Variants in ARLN observed in about 807,000 individuals in gnomAD.
The protein encoded by ARLN is allregulin, also known as sarcoplasmic/endoplasmic reticulum calcium ATPase regulator ARLN.
At chr4:119,302,553 T>C in the ARLN span, among the ~76,000 whole-genome samples, 1 of 152,262 alleles carries the variant, frequency 6.6e-6, no homozygotes, top group East Asian at 1.9e-4. Context: ...CATTTGCCAT[T>C]ATCAAAGCAA....
the ARLN span, among the ~76,000 whole-genome samples, chr4:119,299,729 A>G: frequency 6.6e-6 from 1 of 152,176 alleles, no homozygotes; most frequent in African/African-American, 2.4e-5. Flanking sequence ...GAAAAGGGCA[A>G]AGTGTCTCAG....
At chr4:119,301,005 C>T in the ARLN span, 2 of 478,954 alleles carry the variant, frequency 4.2e-6, no homozygotes, top group Non-Finnish European at 7.3e-6. Context: ...TAGCATTTGA[C>T]ACTTAATATT....
At chr4:119,303,198 T>G in the ARLN span, among the ~76,000 whole-genome samples, 1 of 152,052 alleles carries the variant, frequency 6.6e-6, no homozygotes, top group Non-Finnish European at 1.5e-5. Context: ...GTCATTTTAT[T>G]TATTCATTTT....
chr4:119,296,588 A>G, the ARLN span: 2 of 152,234 alleles, frequency 1.3e-5, no homozygotes, highest in African/African-American at 4.8e-5. Context: ...TGAAAGCCAG[A>G]GAATCAGGAG....
chr4:119,299,655 G>A, the ARLN span, among the ~76,000 whole-genome samples: 1 of 152,160 alleles, frequency 6.6e-6, no homozygotes, highest in Non-Finnish European at 1.5e-5. Context: ...GAGAGCATGG[G>A]TTTTACAAGT....
chr4:119,298,644 AAAATG>A, the ARLN span: 1 of 565,086 alleles, frequency 1.8e-6, no homozygotes, highest in Admixed American at 3.0e-5. Flanking sequence ...AACAAAGTGT[AAAATG>A]AAAGGAAGGG....
At chr4:119,298,611 TTAATA>T in the ARLN span, 1 of 511,684 alleles carries the variant, frequency 2.0e-6, no homozygotes, top group East Asian at 3.1e-5. Context: ...TCCTACCCAA[TTAATA>T]GAGTTCTGCA....
At chr4:119,300,684 C>G in the ARLN span, 5 of 1,535,942 alleles carry the variant, frequency 3.3e-6, no homozygotes, top group Non-Finnish European at 4.4e-6. Context: ...TGAACCTACT[C>G]TTCCCAGCGC....
chr4:119,299,193 C>T, the ARLN span, among the ~76,000 whole-genome samples: 2 of 152,264 alleles, frequency 1.3e-5, no homozygotes, highest in South Asian at 4.1e-4. Flanking sequence ...CTCAAGCAAT[C>T]CTCCTATTTC....
the ARLN span, chr4:119,298,746 A>C: frequency 5.2e-6 from 4 of 773,450 alleles, no homozygotes; most frequent in Non-Finnish European, 9.6e-6. Flanking sequence ...TCACTCAAGA[A>C]CCAACTTCTT....
chr4:119,300,524 G>A, the ARLN span: 2 of 1,614,044 alleles, frequency 1.2e-6, no homozygotes, highest in Non-Finnish European at 1.7e-6. Context: ...CACCCGGTGC[G>A]TCCACCTCCA....
At chr4:119,298,615 T>A in the ARLN span, 1 of 517,948 alleles carries the variant, frequency 1.9e-6, no homozygotes, top group Non-Finnish European at 3.5e-6. Context: ...ACCCAATTAA[T>A]AGAGTTCTGC....
At chr4:119,300,870 G>T in the ARLN span, 1 of 1,368,642 alleles carries the variant, frequency 7.3e-7, no homozygotes, top group Non-Finnish European at 9.6e-7. Context: ...GAAAGGCCCA[G>T]TCCAGTCAGG....
chr4:119,303,994 A>G, the ARLN span, among the ~76,000 whole-genome samples: 1 of 151,966 alleles, frequency 6.6e-6, no homozygotes, highest in African/African-American at 2.4e-5. Context: ...ATCTGGCTCT[A>G]CTCTACTCAG....
the ARLN span, among the ~76,000 whole-genome samples, chr4:119,302,193 T>C: frequency 6.6e-6 from 1 of 152,186 alleles, no homozygotes; most frequent in South Asian, 2.1e-4. Context: ...AAGCATGACA[T>C]AAACTGAACA....
the ARLN span, among the ~76,000 whole-genome samples, chr4:119,299,691 G>A: frequency 2.0e-5 from 3 of 152,174 alleles, no homozygotes; most frequent in African/African-American, 7.2e-5. Context: ...TTGTAACTTG[G>A]TGTTTTAGGA....
chr4:119,304,167 C>T, the ARLN span: 2 of 1,022,628 alleles, frequency 2.0e-6, no homozygotes, highest in South Asian at 3.2e-5. Flanking sequence ...TTCAGGGCCC[C>T]ACTTAAGTGC....
At chr4:119,300,869 A>G in the ARLN span, 1 of 1,379,532 alleles carries the variant, frequency 7.2e-7, no homozygotes, top group Non-Finnish European at 9.5e-7. Context: ...TGAAAGGCCC[A>G]GTCCAGTCAG....
the ARLN span, chr4:119,300,848 T>C: frequency 7.0e-7 from 1 of 1,427,708 alleles, no homozygotes; most frequent in Non-Finnish European, 9.1e-7. Flanking sequence ...AGAAATACGT[T>C]CTCGTCCCCC....
Sources: gnomAD v4.1 joint callset for allele counts (sites outside exome capture counted in the v4.1 genomes callset) on GRCh38, gnomAD v4.1.1 for gene constraint, MANE v1.5 for transcripts, NCBI Gene and HGNC (gene_info 2026-07-23, HGNC 2026-07-21) for gene names.